Variants in CACNA2D3 observed in about 807,000 individuals in gnomAD.
CACNA2D3 encodes the protein calcium voltage-gated channel auxiliary subunit alpha2delta 3.
CACNA2D3 carries 60 observed loss-of-function variants against 160.6 expected under a neutral mutation model. That is an observed-to-expected ratio of 0.37 (90% CI 0.30 to 0.46). CACNA2D3 has a LOEUF of 0.46. CACNA2D3 is among the 20% of genes least tolerant of loss of function. The pLI is 1.00. For missense variants in CACNA2D3, 1,205 were observed against 1,365.0 expected (o/e 0.88, Z 1.85); for synonymous variants, 558 against 492.9 (o/e 1.13, Z -1.75).
chr3:54,391,514 TTC>T (rs1488703932), intron 4 of CACNA2D3, among the ~76,000 whole-genome samples: 2 of 151,046 alleles, frequency 1.3e-5, no homozygotes, highest in Admixed American at 6.6e-5. Context: ...CTTTCTTTCT[TTC>T]TTTTTTTTTT....
At chr3:55,073,962 TAATCCCTTTC>T (rs1704882275) in intron 37 of CACNA2D3, 103 bp downstream of exon 37, 1 of 1,144,810 alleles carries the variant, frequency 8.7e-7, no homozygotes, top group Non-Finnish European at 1.3e-6. Context: ...CATGAGAAAA[TAATCCCTTTC>T]ATTCAGTAAA....
At chr3:54,396,630 A>G (rs200653731) in intron 4 of CACNA2D3, among the ~76,000 whole-genome samples, 4 of 45,546 alleles carry the variant, frequency 8.8e-5, no homozygotes, top group Admixed American at 3.1e-4. Flanking sequence ...ATTGATTTGC[A>G]TATATTGAAC....
At chr3:54,975,995 CA>C (rs1170246188) in intron 29 of CACNA2D3, among the ~76,000 whole-genome samples, 2 of 151,580 alleles carry the variant, frequency 1.3e-5, no homozygotes, top group Non-Finnish European at 1.5e-5. Flanking sequence ...TAGCAGGTGT[CA>C]GACAAGATCT....
rs1204296427 is a variant in CACNA2D3 at position 54,503,669 on chromosome 3, C to T, written c.544+15C>T. ...GTACAACAAAGGTAAGACTCCCAGC[C>T]ACTGCTCCTTTTAGAAGGTGAAGAA... On this transcript the variant is annotated intron_variant, in intron 5 of 37. Coordinates refer to ENST00000474759, the MANE Select transcript of CACNA2D3 (RefSeq NM_018398.3). 6.2e-7 allele frequency: 1 copy of T among 1,610,762 alleles called. No individual in the cohort carries two copies. The highest frequency in any genetic ancestry group is 1.1e-5 in the South Asian group (1 of 90,916).
intron 5 of CACNA2D3, among the ~76,000 whole-genome samples, chr3:54,544,943 T>A (rs931720947): frequency 5.9e-5 from 9 of 152,166 alleles, no homozygotes; most frequent in Admixed American, 2.0e-4. Context: ...TCGTGGAGGA[T>A]TAAATTAAAA....
chr3:54,592,793 C>T (rs1010990448), intron 9 of CACNA2D3, among the ~76,000 whole-genome samples: 12 of 152,210 alleles, frequency 7.9e-5, no homozygotes, highest in African/African-American at 2.9e-4. Context: ...CAGTTTTGAT[C>T]TTTTCTTGTG....
intron 2 of CACNA2D3, among the ~76,000 whole-genome samples, chr3:54,297,581 C>T (rs747374119): frequency 4.6e-5 from 7 of 152,026 alleles, no homozygotes; most frequent in Non-Finnish European, 1.0e-4. Context: ...GGAGATGGTT[C>T]CTGTTTTGAG....
At chr3:54,646,630 C>T (rs1699658196) in intron 11 of CACNA2D3, among the ~76,000 whole-genome samples, 1 of 152,060 alleles carries the variant, frequency 6.6e-6, no homozygotes, top group Non-Finnish European at 1.5e-5. Flanking sequence ...GGTATATGTA[C>T]CACATTTTCT....
intron 3 of CACNA2D3, among the ~76,000 whole-genome samples, chr3:54,333,557 C>A (rs1242609862): frequency 6.6e-6 from 1 of 151,990 alleles, no homozygotes; most frequent in Non-Finnish European, 1.5e-5. Flanking sequence ...TCTCTTCCAG[C>A]CAAATGCGCT....
At chr3:54,549,504 C>T (rs76612270) in intron 5 of CACNA2D3, among the ~76,000 whole-genome samples, 2,747 of 152,254 alleles carry the variant, frequency 0.018, 87 homozygotes, top group African/African-American at 0.063. Flanking sequence ...AACTTGCCCC[C>T]GTTCCCTTTT....
intron 11 of CACNA2D3, among the ~76,000 whole-genome samples, chr3:54,646,126 T>TTCCTTC (rs1699632167): frequency 1.7e-5 from 1 of 60,204 alleles, no homozygotes; most frequent in African/African-American, 7.2e-5. Context: ...TTCCTTCCTT[T>TTCCTTC]CTTCCTTCCT....
At chr3:54,513,066 C>T (rs1020505350) in intron 5 of CACNA2D3, among the ~76,000 whole-genome samples, 1 of 152,060 alleles carries the variant, frequency 6.6e-6, no homozygotes, top group East Asian at 1.9e-4. Flanking sequence ...AATTTCCTCC[C>T]CCCAGGTCCC....
chr3:54,237,844 G>A (rs530391704), intron 2 of CACNA2D3, among the ~76,000 whole-genome samples: 35 of 152,286 alleles, frequency 2.3e-4, no homozygotes, highest in African/African-American at 8.2e-4. Flanking sequence ...AGTTCCATGG[G>A]TAGAGAAGTT....
At chr3:54,573,973 A>G (rs1366071296) in intron 8 of CACNA2D3, among the ~76,000 whole-genome samples, 3 of 152,176 alleles carry the variant, frequency 2.0e-5, no homozygotes, top group Non-Finnish European at 4.4e-5. Flanking sequence ...TCTCCTGTGT[A>G]GAGGGCGACC....
chr3:54,707,361 C>T (rs1700876025), intron 11 of CACNA2D3, among the ~76,000 whole-genome samples: 1 of 152,100 alleles, frequency 6.6e-6, no homozygotes, highest in South Asian at 2.1e-4. Context: ...TTGGATGTTC[C>T]CATTGGCTTT....
At chr3:54,845,801 G>C (rs530823765) in intron 16 of CACNA2D3, among the ~76,000 whole-genome samples, 75 of 152,356 alleles carry the variant, frequency 4.9e-4, no homozygotes, top group Non-Finnish European at 8.7e-4. Flanking sequence ...AGCATGCATG[G>C]AAAAGCTAGG....
At chr3:54,647,120 A>G (rs553501186) in intron 11 of CACNA2D3, among the ~76,000 whole-genome samples, 3 of 152,316 alleles carry the variant, frequency 2.0e-5, no homozygotes, top group Non-Finnish European at 2.9e-5. Context: ...AAGCCTGCAG[A>G]TGAAAACACA....
chr3:55,049,959 G>T (rs1704152927), intron 35 of CACNA2D3, among the ~76,000 whole-genome samples: 1 of 150,618 alleles, frequency 6.6e-6, no homozygotes, highest in African/African-American at 2.5e-5. Flanking sequence ...TGGCTTGTTA[G>T]ATCTTCGTCC....
chr3:54,129,118 T>G (rs1465736343), intron 2 of CACNA2D3, among the ~76,000 whole-genome samples: 1 of 151,956 alleles, frequency 6.6e-6, no homozygotes, highest in Non-Finnish European at 1.5e-5. Context: ...CCTAAATATT[T>G]AGTGACCAAC....
Sources: gnomAD v4.1 joint callset for allele counts (sites outside exome capture counted in the v4.1 genomes callset) on GRCh38, gnomAD v4.1.1 for gene constraint, MANE v1.5 for transcripts, NCBI Gene and HGNC (gene_info 2026-07-23, HGNC 2026-07-21) for gene names.